LDHA: variants seen among roughly 807,000 people sequenced by gnomAD.
LDHA encodes L-lactate dehydrogenase A chain.
LDHA carries 10 observed loss-of-function variants against 36.3 expected under a neutral mutation model. The observed-to-expected ratio is 0.28, with a 90% CI of 0.17 to 0.47. LDHA has a LOEUF of 0.47. LDHA is among the 20% of genes least tolerant of loss of function. LDHA has a pLI of 0.99. For missense variants in LDHA, 267 were observed against 405.8 expected, an observed-to-expected ratio of 0.66 and a Z score of 2.94; for synonymous variants, 110 against 136.7, an observed-to-expected ratio of 0.80 and a Z score of 1.36.
intron 4 of LDHA, 139 bp downstream of exon 4, chr11:18,401,149 AAT>A (rs201194496): frequency 1.8e-3 from 607 of 335,874 alleles, no homozygotes; most frequent in Middle Eastern, 2.3e-3. Context: ...ATTATTTTAA[AAT>A]ATATATATAT....
In LDHA at chr11:18,408,122, A is replaced by T. The variant is rs1866769872; in HGVS notation, c.*841A>T. On this transcript the variant is annotated 3_prime_UTR_variant, in exon 8 of 8. Transcript: ENST00000422447. ...AATGTAAAATTTATTTGCCAACTGA[A>T]TATAGGCAATGATAGTGTGTCACTA... is the stretch of plus-strand genomic sequence containing the variant. 4.4e-6 allele frequency: 2 copies of T among 454,008 alleles called. No individual in the cohort carries two copies. Among genetic ancestry groups the T allele is most frequent in the Non-Finnish European group, 8.8e-6 (2 of 226,792 alleles). The allele number at this position is 454,008 out of a possible 1,614,324, so 28.1% of individuals were successfully genotyped here.
At chr11:18,400,480 C>T (rs1034479034) in intron 3 of LDHA, 9 of 304,414 alleles carry the variant, frequency 3.0e-5, no homozygotes, top group Admixed American at 1.4e-4. Flanking sequence ...CACACACACA[C>T]ACGAAATTGC....
At chr11:18,395,542 C>T (rs1421308424) in intron 1 of LDHA, among the ~76,000 whole-genome samples, 2 of 152,156 alleles carry the variant, frequency 1.3e-5, no homozygotes, top group African/African-American at 2.4e-5. Flanking sequence ...CTTCCCCCTG[C>T]CAGGCTAGAA....
chr11:18,405,366 A>G (rs1016980503), intron 6 of LDHA, 83 bp from the exon 7 acceptor site: 20 of 1,359,770 alleles, frequency 1.5e-5, no homozygotes, highest in Non-Finnish European at 2.1e-5. Context: ...TTACTGTAAA[A>G]TGTGTATTAA....
In LDHA at chr11:18,394,793, C is replaced by T. The variant is rs1340893146; in HGVS notation, c.-25+157C>T. The T allele has an allele frequency of 3.1e-5, 12 of 382,946 alleles. No individual in the cohort carries two copies. In the East Asian group the frequency reaches 8.1e-4, roughly 26 times the overall value. The allele number at this position is 382,946 out of a possible 1,614,324, so 23.7% of individuals were successfully genotyped here. ...GCACAGCCCAGAGACGTCTGGGCGG[C>T]GGCCCACACAACGCATGTGTTCGGA... On this transcript the variant is annotated intron_variant, in intron 1 of 7. Transcript: ENST00000422447.
chr11:18,396,187 A>AG (rs1455813494), intron 1 of LDHA: 1 of 215,250 alleles, frequency 4.6e-6, no homozygotes, highest in Non-Finnish European at 9.1e-6. Context: ...GGAGGCCGCT[A>AG]GACTAATCGG....
chr11:18,399,394 C>T (rs767828446), intron 2 of LDHA, 37 bp from the exon 3 acceptor site: 4 of 1,429,776 alleles, frequency 2.8e-6, no homozygotes, highest in Non-Finnish European at 3.9e-6. Flanking sequence ...CTAGAAGTGG[C>T]AATTTTCCAT....
chr11:18,400,706 T>C (rs769055089), intron 3 of LDHA, 131 bp from the exon 4 acceptor site: 106 of 721,192 alleles, frequency 1.5e-4, no homozygotes, highest in South Asian at 8.8e-4. Flanking sequence ...TCTTCCTCCA[T>C]TTAAGAAGCC....
At chr11:18,402,693 G>T in intron 4 of LDHA, 147 bp from the exon 5 acceptor site, 1 of 692,054 alleles carries the variant, frequency 1.4e-6, no homozygotes, top group Non-Finnish European at 2.6e-6. Flanking sequence ...TCAATATCAA[G>T]ATCCTGAAAA....
chr11:18,399,848 G>T, intron 3 of LDHA: 1 of 353,996 alleles, frequency 2.8e-6, no homozygotes, highest in African/African-American at 2.1e-5. Context: ...TCCCTCCTTA[G>T]CCTTCCGAAG....
chr11:18,407,105 T>A lies in LDHA; in HGVS notation c.835-12T>A, dbSNP rs1218207288. The stretch of plus-strand genomic sequence containing the variant: ...AAAATGTGAGATTTTTTTTTTTTCA[T>A]TTCATCTTCAGGGTCTTTACGGAAT... On this transcript the variant is annotated splice_polypyrimidine_tract_variant and intron_variant, in intron 7 of 7. Transcript: ENST00000422447. The A allele has an allele frequency of 6.3e-7, 1 of 1,585,276 alleles. No homozygotes were observed. The highest frequency in any genetic ancestry group is 8.6e-7 in the Non-Finnish European group (1 of 1,162,420).
rs756225293 is a variant in LDHA, at chr11:18,405,565, T to C, written c.827T>C (p.Met276Thr). 3 of 1,613,892 alleles carry C rather than the reference T, an allele frequency of 1.9e-6. No individual in the cohort carries two copies. The highest frequency in any genetic ancestry group is 2.5e-6 in the Non-Finnish European group (3 of 1,179,866). ...NLRRVHPVST[M>T]IKGLYGIKDD... ...AGGCGGGTGCACCCAGTTTCCACCA[T>C]GATTAAGGTAGGTCTATGTAGTGAT... The change falls in exon 7 of 8, where the codon ATG becomes ACG. Residue 276 changes from methionine (M) to threonine (T), a missense_variant. By Grantham distance (81) the Met-to-Thr change is moderately conservative. Transcript: ENST00000422447.
At position 18,407,476 on chromosome 11, in the gene LDHA, G is replaced by C. The variant is rs1407319204; in HGVS notation, c.*195G>C. ...CACAGCTATATCCTGATGCTGGATG[G>C]TATTAATCTTGTGTAGTCTTCAACT... On this transcript the variant is annotated 3_prime_UTR_variant, in exon 8 of 8. Coordinates refer to ENST00000422447, the MANE Select transcript of LDHA (RefSeq NM_005566.4). 2 of 1,135,184 alleles carry C rather than the reference G, an allele frequency of 1.8e-6. No individual in the cohort carries two copies. Among genetic ancestry groups the C allele is most frequent in the Non-Finnish European group, 2.6e-6 (2 of 773,600 alleles). 70.3% of individuals were successfully genotyped at this position (1,135,184 alleles called of 1,614,324 possible).
intron 1 of LDHA, 197 bp from the exon 2 acceptor site, chr11:18,396,622 C>T: frequency 1.4e-6 from 2 of 1,406,214 alleles, no homozygotes; most frequent in South Asian, 1.7e-5. Flanking sequence ...TATGGGCCTT[C>T]ACTCTTCACA....
At position 18,407,904 on chromosome 11, in the gene LDHA, T is replaced by C; in HGVS notation, c.*623T>C. 1 of 454,152 alleles carries C rather than the reference T, an allele frequency of 2.2e-6. No individual in the cohort carries two copies. The highest frequency in any genetic ancestry group is 4.4e-6 in the Non-Finnish European group (1 of 226,810). The allele number at this position is 454,152 out of a possible 1,614,324, so 28.1% of individuals were successfully genotyped here. ...AAAGTCATAAAGCTGCTAGTTATTATATTAATTTGGAAATATTAGGCTATT... is the reference window on the plus strand; with the variant it reads ...AAAGTCATAAAGCTGCTAGTTATTACATTAATTTGGAAATATTAGGCTATT... On this transcript the variant is annotated 3_prime_UTR_variant, in exon 8 of 8. Transcript: ENST00000422447.
chr11:18,405,751 G>C (rs1484536387), intron 7 of LDHA, 179 bp downstream of exon 7: 18 of 646,196 alleles, frequency 2.8e-5, no homozygotes, highest in Non-Finnish European at 4.8e-5. Flanking sequence ...TGTCCATTAG[G>C]CCTGTTCAAC....
chr11:18,395,278 G>A (rs1350832931), intron 1 of LDHA: 1 of 155,238 alleles, frequency 6.4e-6, no homozygotes, highest in African/African-American at 2.4e-5. Flanking sequence ...CAGACGGTCA[G>A]TTGAGTAGGA....
chr11:18,405,136 T>C (rs972299787), intron 6 of LDHA, among the ~76,000 whole-genome samples: 2 of 152,024 alleles, frequency 1.3e-5, no homozygotes, highest in Non-Finnish European at 2.9e-5. Flanking sequence ...ATTATCCAAT[T>C]TTTTTTACAA....
chr11:18,407,306 A>C lies in LDHA; in HGVS notation c.*25A>C, dbSNP rs753690566. The stretch of plus-strand genomic sequence containing the variant: ...AAGTCTTCTGATGTCATATCATTTC[A>C]CTGTCTAGGCTACAACAGGATTCTA... On this transcript the variant is annotated 3_prime_UTR_variant, in exon 8 of 8. Coordinates refer to ENST00000422447, the MANE Select transcript of LDHA (RefSeq NM_005566.4). The C allele has an allele frequency of 7.4e-6, 12 of 1,612,310 alleles. No individual in the cohort carries two copies. In the East Asian group the frequency reaches 2.7e-4, roughly 36 times the overall value.
Sources: gnomAD v4.1 joint callset for allele counts (sites outside exome capture counted in the v4.1 genomes callset) on GRCh38, gnomAD v4.1.1 for gene constraint, MANE v1.5 for transcripts, NCBI Gene and HGNC (gene_info 2026-07-23, HGNC 2026-07-21) for gene names.